The following PCDHA9 variants were observed in gnomAD, a reference collection of about 807,000 sequenced individuals.
The protein encoded by PCDHA9 is protocadherin alpha 9.
Under a neutral mutation model 62.0 loss-of-function variants are expected in PCDHA9, and 62 were observed. The observed-to-expected ratio is 1.00, with a 90% confidence interval of 0.81 to 1.23. PCDHA9 has a LOEUF of 1.23. Among genes scored for constraint, PCDHA9 ranks in the 50% most tolerant of loss-of-function variants. PCDHA9 has a pLI of 0.00. For synonymous variants in PCDHA9, 557 were observed against 567.6 expected, an observed-to-expected ratio of 0.98 and a Z score of 0.27; for missense variants, 1,205 against 1,249.8, an observed-to-expected ratio of 0.96 and a Z score of 0.54.
At chr5:140,968,683 A>G (rs782664501) in intron 1 of PCDHA9, 7 of 1,614,164 alleles carry the variant, frequency 4.3e-6, no homozygotes. Flanking sequence ...AGCTGCACAC[A>G]GGAGAAATTA....
chr5:140,905,722 T>A (rs1326323051), intron 1 of PCDHA9, among the ~76,000 whole-genome samples: 1 of 152,206 alleles, frequency 6.6e-6, no homozygotes, highest in Non-Finnish European at 1.5e-5. Context: ...AGCAGTGTTT[T>A]GTAGTTTTCC....
At chr5:140,905,144 A>G (rs2071622994) in intron 1 of PCDHA9, among the ~76,000 whole-genome samples, 2 of 152,130 alleles carry the variant, frequency 1.3e-5, no homozygotes, top group African/African-American at 2.4e-5. Context: ...TTCTGCTGTT[A>G]TATTTTAGAA....
intron 1 of PCDHA9, among the ~76,000 whole-genome samples, chr5:140,919,085 T>C (rs2078998041): frequency 1.3e-5 from 2 of 152,368 alleles, no homozygotes; most frequent in East Asian, 3.9e-4. Context: ...GACTATTGAA[T>C]TGTCTATTTC....
chr5:140,984,304 G>A (rs1587007644), intron 3 of PCDHA9, among the ~76,000 whole-genome samples: 1 of 152,168 alleles, frequency 6.6e-6, no homozygotes, highest in Admixed American at 6.5e-5. Context: ...GATGCTGGTT[G>A]GTGTGTATTC....
intron 1 of PCDHA9, among the ~76,000 whole-genome samples, chr5:140,941,230 T>C (rs536346214): frequency 7.3e-6 from 1 of 137,584 alleles, no homozygotes; most frequent in African/African-American, 2.9e-5. Context: ...TTTCTTTCTT[T>C]CTTTCTTTCT....
intron 1 of PCDHA9, chr5:140,967,465 C>T: frequency 1.2e-6 from 2 of 1,613,512 alleles, no homozygotes; most frequent in Non-Finnish European, 1.7e-6. Flanking sequence ...TGGATGGGGG[C>T]ATCCCAGCCC....
At chr5:140,955,460 C>G (rs1051253944) in intron 1 of PCDHA9, among the ~76,000 whole-genome samples, 2 of 152,000 alleles carry the variant, frequency 1.3e-5, no homozygotes, top group Non-Finnish European at 2.9e-5. Flanking sequence ...GGGCTTTTTC[C>G]TTTTTGCTTG....
rs115903226 is a variant in PCDHA9 at position 140,929,361 on chromosome 5, C to A, written c.2395-49588C>A. 4,899 of 1,519,562 alleles carry A rather than the reference C, an allele frequency of 3.2e-3. 25 individuals carry two copies. The highest frequency in any genetic ancestry group is 0.019 in the African/African-American group (1,394 of 71,916). 94.1% of individuals were successfully genotyped at this position (1,519,562 alleles called of 1,614,324 possible). On this transcript the variant is annotated intron_variant, in intron 1 of 3. Coordinates refer to ENST00000532602, the MANE Select transcript of PCDHA9 (RefSeq NM_031857.2). ...TTTATGGAATTTGATTCCTTTGGCC[C>A]GGAGATGGCTGCTAGCTGTGTTTTG...
chr5:140,969,331 G>A, intron 1 of PCDHA9: 1 of 1,614,042 alleles, frequency 6.2e-7, no homozygotes, highest in Non-Finnish European at 8.5e-7. Context: ...CTCAAAATGA[G>A]GTGAGACAGT....
At position 140,917,056 on chromosome 5, in the gene PCDHA9, T is replaced by C. The variant is rs539112715; in HGVS notation, c.2395-61893T>C. Among the ~76,000 whole-genome samples the C allele has an allele frequency of 5.9e-5, 9 of 152,280 alleles. No individual in the cohort carries two copies. The East Asian group carries it at 1.7e-3, about 29-fold the overall frequency. On this transcript the variant is annotated intron_variant, in intron 1 of 3. Transcript: ENST00000532602. ...AGTCCAGCACAGTGTTGTTCCCTGCTACGACAGCACCGAGTTTAATGTAAA... is the reference window on the plus strand; with the variant it reads ...AGTCCAGCACAGTGTTGTTCCCTGCCACGACAGCACCGAGTTTAATGTAAA...
At chr5:140,967,562 C>T in intron 1 of PCDHA9, 1 of 1,614,064 alleles carries the variant, frequency 6.2e-7, no homozygotes, top group Non-Finnish European at 8.5e-7. Context: ...TCGCGTCCAG[C>T]TACGGGAGGA....
intron 1 of PCDHA9, chr5:140,969,615 G>A (rs1417453925): frequency 3.6e-5 from 26 of 714,726 alleles, no homozygotes; most frequent in Non-Finnish European, 5.5e-5. Flanking sequence ...ACACAGATTT[G>A]TAGAGAAACA....
At chr5:140,903,916 T>C (rs1192195691) in intron 1 of PCDHA9, among the ~76,000 whole-genome samples, 1 of 152,260 alleles carries the variant, frequency 6.6e-6, no homozygotes, top group African/African-American at 2.4e-5. Flanking sequence ...TGTGACTTCC[T>C]TGCTGCATTG....
chr5:140,904,416 A>T (rs930452191), intron 1 of PCDHA9, among the ~76,000 whole-genome samples: 1 of 150,980 alleles, frequency 6.6e-6, no homozygotes, highest in Non-Finnish European at 1.5e-5. Context: ...TATATAATAC[A>T]TATATTTTAT....
At chr5:140,871,482 T>C (rs535779359) in intron 1 of PCDHA9, 1 of 1,595,438 alleles carries the variant, frequency 6.3e-7, no homozygotes. Flanking sequence ...CAGGGTCAAA[T>C]CACCCCGGAC....
chr5:140,973,741 G>C (rs925905924), intron 1 of PCDHA9, among the ~76,000 whole-genome samples: 1 of 152,206 alleles, frequency 6.6e-6, no homozygotes, highest in Admixed American at 6.5e-5. Context: ...GTCTAACTCA[G>C]AACACTCTGC....
chr5:140,939,579 A>AT (rs2153642013), intron 1 of PCDHA9, among the ~76,000 whole-genome samples: 1 of 152,306 alleles, frequency 6.6e-6, no homozygotes, highest in African/African-American at 2.4e-5. Context: ...AAAATGGAAA[A>AT]TTTTAACATA....
At chr5:140,967,979 G>C (rs1405177525) in intron 1 of PCDHA9, 3 of 1,614,100 alleles carry the variant, frequency 1.9e-6, no homozygotes, top group Non-Finnish European at 2.5e-6. Flanking sequence ...CCTGGGTCTG[G>C]AGGCCACACT....
At chr5:140,970,135 G>C (rs1317802980) in intron 1 of PCDHA9, among the ~76,000 whole-genome samples, 1 of 152,016 alleles carries the variant, frequency 6.6e-6, no homozygotes, top group Non-Finnish European at 1.5e-5. Context: ...GAAGAGAAGG[G>C]AAAAAGAATT....
Sources: gnomAD v4.1 joint callset for allele counts (sites outside exome capture counted in the v4.1 genomes callset) on GRCh38, gnomAD v4.1.1 for gene constraint, MANE v1.5 for transcripts, NCBI Gene and HGNC (gene_info 2026-07-23, HGNC 2026-07-21) for gene names.